MEGF10: variants seen among roughly 807,000 people sequenced by gnomAD.
MEGF10 encodes the protein multiple EGF like domains 10.
In MEGF10, 86 loss-of-function variants were observed where a neutral mutation model predicts 147.5. The observed-to-expected ratio is 0.58, with a 90% CI of 0.49 to 0.70. The LOEUF is 0.70. MEGF10 is among the 30% of genes least tolerant of loss of function. The probability of loss-of-function intolerance (pLI) is 0.00; values close to 1 mark genes in which losing one functional copy is unlikely to be tolerated. For missense variants in MEGF10, 1,329 were observed against 1,487.3 expected (o/e 0.89, Z 1.75); for synonymous variants, 478 against 525.5 (o/e 0.91, Z 1.24).
At chr5:127,434,162 G>A (rs915277998) in intron 14 of MEGF10, among the ~76,000 whole-genome samples, 3 of 152,010 alleles carry the variant, frequency 2.0e-5, no homozygotes, top group Non-Finnish European at 2.9e-5. Flanking sequence ...ATAGTATCTT[G>A]GCAAGAACTT....
At chr5:127,241,063 CTCA>C in the MEGF10 span, among the ~76,000 whole-genome samples, 3 of 152,136 alleles carry the variant, frequency 2.0e-5, no homozygotes, top group Admixed American at 1.3e-4. Context: ...AATTAAATCA[CTCA>C]TCAGGCTATA....
intron 4 of MEGF10, among the ~76,000 whole-genome samples, chr5:127,366,450 A>G (rs926431074): frequency 6.6e-6 from 1 of 152,202 alleles, no homozygotes; most frequent in Non-Finnish European, 1.5e-5. Context: ...CCATCCCAAC[A>G]ATATTTCTCA....
intron 1 of MEGF10, among the ~76,000 whole-genome samples, chr5:127,321,428 T>C (rs1193208961): frequency 2.0e-5 from 3 of 152,140 alleles, no homozygotes; most frequent in Non-Finnish European, 4.4e-5. Flanking sequence ...TGTGTGTGTG[T>C]ATGTGTGTGT....
the MEGF10 span, among the ~76,000 whole-genome samples, chr5:127,240,327 C>T: frequency 6.6e-6 from 1 of 152,214 alleles, no homozygotes; most frequent in Non-Finnish European, 1.5e-5. Context: ...TCTCTGGTAA[C>T]ATCCTAGTTG....
intron 13 of MEGF10, among the ~76,000 whole-genome samples, chr5:127,425,640 G>A (rs555572352): frequency 6.6e-6 from 1 of 152,050 alleles, no homozygotes; most frequent in East Asian, 1.9e-4. Context: ...TAAAGAAAGA[G>A]CAGCTTCTGT....
chr5:127,323,640 A>G (rs1760881782), intron 1 of MEGF10, among the ~76,000 whole-genome samples: 1 of 152,250 alleles, frequency 6.6e-6, no homozygotes, highest in Admixed American at 6.5e-5. Flanking sequence ...CATATTGGTT[A>G]TATATTGCTG....
At chr5:127,422,567 C>A in intron 12 of MEGF10, 103 bp from the exon 13 acceptor site, 1 of 815,690 alleles carries the variant, frequency 1.2e-6, no homozygotes, top group Non-Finnish European at 2.1e-6. Context: ...GCGTTTGGGA[C>A]AGCAGGGTAC....
intron 19 of MEGF10, chr5:127,444,773 A>AG (rs1765878794): frequency 6.6e-6 from 1 of 152,478 alleles, no homozygotes. Flanking sequence ...TTTGCACAGA[A>AG]CAATATCTTC....
chr5:127,284,801 A>G, the MEGF10 span, among the ~76,000 whole-genome samples: 1 of 152,170 alleles, frequency 6.6e-6, no homozygotes, highest in Non-Finnish European at 1.5e-5. Context: ...TGCTGTAACT[A>G]AGCAAGCTTT....
chr5:127,281,673 C>G, the MEGF10 span, among the ~76,000 whole-genome samples: 3 of 152,306 alleles, frequency 2.0e-5, no homozygotes, highest in Admixed American at 1.3e-4. Flanking sequence ...ATCTGCTTAG[C>G]TGCTGCTGCT....
intron 17 of MEGF10, among the ~76,000 whole-genome samples, chr5:127,438,876 CA>C (rs1414878893): frequency 2.6e-5 from 4 of 152,114 alleles, no homozygotes; most frequent in Non-Finnish European, 4.4e-5. Flanking sequence ...TTTAACAGCA[CA>C]AAAGTTAGGA....
intron 5 of MEGF10, 76 bp downstream of exon 5, chr5:127,370,078 G>A: frequency 1.8e-6 from 2 of 1,104,798 alleles, no homozygotes; most frequent in Non-Finnish European, 2.7e-6. Context: ...ATGACCCTGA[G>A]CCATGCTTTC....
upstream of MEGF10, among the ~76,000 whole-genome samples, chr5:127,290,673 G>T (rs1759205574): frequency 6.6e-6 from 1 of 152,186 alleles, no homozygotes; most frequent in South Asian, 2.1e-4. Flanking sequence ...GACTGCGCGC[G>T]GCGCCAAGCG....
chr5:127,391,458 T>A (rs1166230683), intron 5 of MEGF10, among the ~76,000 whole-genome samples: 2 of 151,248 alleles, frequency 1.3e-5, no homozygotes, highest in Non-Finnish European at 2.9e-5. Flanking sequence ...GCATCTATAG[T>A]CCCGGCTACT....
At chr5:127,325,000 T>C (rs532995866) in intron 1 of MEGF10, among the ~76,000 whole-genome samples, 1 of 152,326 alleles carries the variant, frequency 6.6e-6, no homozygotes, top group African/African-American at 2.4e-5. Flanking sequence ...TGTTCGTATA[T>C]CTGCTCTTAC....
At chr5:127,245,927 ATGG>A in the MEGF10 span, among the ~76,000 whole-genome samples, 4 of 152,236 alleles carry the variant, frequency 2.6e-5, no homozygotes, top group South Asian at 4.1e-4. Context: ...GCCAGTTAGA[ATGG>A]TGATCATTAA....
At chr5:127,343,870 A>G (rs1229282381) in intron 4 of MEGF10, among the ~76,000 whole-genome samples, 3 of 152,146 alleles carry the variant, frequency 2.0e-5, no homozygotes, top group South Asian at 2.1e-4. Flanking sequence ...TGATTGAGGA[A>G]GGGGAGCTGA....
the MEGF10 span, among the ~76,000 whole-genome samples, chr5:127,282,392 A>G: frequency 6.6e-6 from 1 of 152,144 alleles, no homozygotes; most frequent in African/African-American, 2.4e-5. Flanking sequence ...GATGCCTTTT[A>G]TTAAGTCCTT....
chr5:127,319,072 C>T (rs969543135), intron 1 of MEGF10, among the ~76,000 whole-genome samples: 6 of 138,992 alleles, frequency 4.3e-5, no homozygotes, highest in Admixed American at 3.5e-4. Flanking sequence ...TTCCTCCATC[C>T]CTTCCTTTCT....
Sources: gnomAD v4.1 joint callset for allele counts (sites outside exome capture counted in the v4.1 genomes callset) on GRCh38, gnomAD v4.1.1 for gene constraint, MANE v1.5 for transcripts, NCBI Gene and HGNC (gene_info 2026-07-23, HGNC 2026-07-21) for gene names.